SLC44A5: variants seen among roughly 807,000 people sequenced by gnomAD.
The protein encoded by SLC44A5 is choline transporter-like protein 5.
A neutral mutation model predicts 101.8 loss-of-function variants in SLC44A5; 57 were observed. The observed-to-expected ratio is 0.56, with a 90% CI of 0.45 to 0.70. The LOEUF (loss-of-function observed/expected upper bound fraction) is 0.70, where lower values mean the gene tolerates loss of function less well. Ranked by LOEUF, SLC44A5 falls within the 30% of genes least tolerant of loss-of-function variation. The pLI, the probability that SLC44A5 is intolerant of heterozygous loss-of-function variation, is 0.00. For missense variants in SLC44A5, 737 were observed against 853.1 expected, an observed-to-expected ratio of 0.86 and a Z score of 1.70; for synonymous variants, 281 against 290.9, an observed-to-expected ratio of 0.97 and a Z score of 0.35.
chr1:75,213,872 G>T (rs115045510), intron 21 of SLC44A5, 47 bp downstream of exon 21: 8 of 1,521,120 alleles, frequency 5.3e-6, no homozygotes, highest in Non-Finnish European at 7.2e-6. Flanking sequence ...GTTTTTCCAA[G>T]CATCTTTTAA....
intron 18 of SLC44A5, among the ~76,000 whole-genome samples, chr1:75,217,523 C>CTA (rs1434250049): frequency 2.6e-5 from 4 of 152,066 alleles, no homozygotes; most frequent in Non-Finnish European, 5.9e-5. Flanking sequence ...CTGACCTGAA[C>CTA]TATATACTTG....
chr1:75,657,539 CTCTT>C, the SLC44A5 span, among the ~76,000 whole-genome samples: 2 of 139,582 alleles, frequency 1.4e-5, no homozygotes, highest in African/African-American at 5.1e-5. Context: ...CTGAGCAAGA[CTCTT>C]TCTTAAAAAA....
intron 3 of SLC44A5, among the ~76,000 whole-genome samples, chr1:75,349,770 A>T (rs1389979956): frequency 6.6e-6 from 1 of 152,214 alleles, no homozygotes; most frequent in Non-Finnish European, 1.5e-5. Flanking sequence ...ATAATATAAT[A>T]CAATCCAAAA....
intron 16 of SLC44A5, among the ~76,000 whole-genome samples, chr1:75,218,975 A>C (rs902713821): frequency 2.6e-5 from 4 of 152,176 alleles, no homozygotes; most frequent in Non-Finnish European, 1.5e-5. Context: ...ACCCACTATA[A>C]TTTCACATTT....
intron 3 of SLC44A5, among the ~76,000 whole-genome samples, chr1:75,376,553 C>A (rs951774326): frequency 2.6e-5 from 4 of 152,110 alleles, no homozygotes; most frequent in African/African-American, 4.8e-5. Context: ...CTGGGAGGCA[C>A]CCCCCAGCAG....
intron 2 of SLC44A5, among the ~76,000 whole-genome samples, chr1:75,502,221 AC>A (rs1385308668): frequency 6.6e-6 from 1 of 152,142 alleles, no homozygotes; most frequent in Non-Finnish European, 1.5e-5. Flanking sequence ...ATGCACATAC[AC>A]ACACATGAAG....
At chr1:75,515,343 A>G (rs1669770749) in intron 2 of SLC44A5, among the ~76,000 whole-genome samples, 1 of 152,084 alleles carries the variant, frequency 6.6e-6, no homozygotes, top group South Asian at 2.1e-4. Context: ...TATCAACTAT[A>G]TTCACAATGC....
At chr1:75,478,275 C>G (rs1667568215) in intron 2 of SLC44A5, among the ~76,000 whole-genome samples, 1 of 152,116 alleles carries the variant, frequency 6.6e-6, no homozygotes, top group Non-Finnish European at 1.5e-5. Context: ...AAAGGAACAA[C>G]CAGTACCAGC....
intron 2 of SLC44A5, among the ~76,000 whole-genome samples, chr1:75,466,026 C>T (rs1294008236): frequency 2.0e-5 from 3 of 152,136 alleles, no homozygotes; most frequent in East Asian, 1.9e-4. Context: ...ACTCATTCTA[C>T]GAGGCCAGTA....
the SLC44A5 span, among the ~76,000 whole-genome samples, chr1:75,721,019 GAAGCCTTCAGGTGAGAACAGA>G: frequency 6.6e-6 from 1 of 152,118 alleles, no homozygotes; most frequent in Admixed American, 6.5e-5. Flanking sequence ...TTGTGCAAAG[GAAGCCTTCAGGTGAGAACAGA>G]AAAGCATTCT....
the SLC44A5 span, among the ~76,000 whole-genome samples, chr1:75,618,763 C>A: frequency 3.9e-5 from 6 of 152,132 alleles, no homozygotes; most frequent in African/African-American, 1.4e-4. Context: ...CCAAACATAT[C>A]CAAACATAGA....
intron 4 of SLC44A5, among the ~76,000 whole-genome samples, chr1:75,311,376 C>T (rs995631441): frequency 4.6e-5 from 7 of 152,168 alleles, no homozygotes; most frequent in Non-Finnish European, 1.0e-4. Flanking sequence ...CTTGGCCTCC[C>T]AAAGTGCTGG....
intron 2 of SLC44A5, among the ~76,000 whole-genome samples, chr1:75,399,547 G>T (rs1662342192): frequency 6.6e-6 from 1 of 152,092 alleles, no homozygotes; most frequent in Admixed American, 6.6e-5. Context: ...CCCTGATTTG[G>T]ACAGAATGTG....
At chr1:75,467,181 G>A (rs189301143) in intron 2 of SLC44A5, among the ~76,000 whole-genome samples, 21 of 151,780 alleles carry the variant, frequency 1.4e-4, no homozygotes, top group Admixed American at 1.3e-3. Context: ...AAATTTAAGA[G>A]GACACCAAGA....
the SLC44A5 span, among the ~76,000 whole-genome samples, chr1:75,633,910 A>T: frequency 6.6e-6 from 1 of 151,982 alleles, no homozygotes; most frequent in Non-Finnish European, 1.5e-5. Context: ...TACCTAATTT[A>T]TTGAGAGTTC....
intron 1 of SLC44A5, among the ~76,000 whole-genome samples, chr1:75,598,842 G>C (rs557204778): frequency 2.6e-5 from 4 of 152,016 alleles, no homozygotes; most frequent in African/African-American, 9.7e-5. Flanking sequence ...TTAACACCTG[G>C]GTGATGAAAT....
chr1:75,218,728 T>C lies in SLC44A5; in HGVS notation c.1291A>G (p.Lys431Glu), dbSNP rs1647015032. The C allele has an allele frequency of 6.2e-7, 1 of 1,612,150 alleles. No individual in the cohort carries two copies. The highest frequency in any genetic ancestry group is 8.5e-7 in the Non-Finnish European group (1 of 1,179,294). ...PEIFNTTEIA[K>E]ACPGALCNFA... ...TTACACAGAGCCCCAGGGCAAGCTT[T>C]GGCAATTTCAGTTGTATTAAAAATC... The change falls in exon 17 of 24, where the codon AAA (lysine) becomes GAA (glutamate). Residue 431 changes from lysine (K) to glutamate (E), a missense_variant. Around this residue, in one of 3 missense-constraint regions of SLC44A5, gnomAD observed 665 missense variants for 764.4 expected, o/e 0.87. Transcript: ENST00000370859.
At chr1:75,422,774 G>A (rs1157547520) in intron 2 of SLC44A5, among the ~76,000 whole-genome samples, 2 of 152,162 alleles carry the variant, frequency 1.3e-5, no homozygotes. Flanking sequence ...GAGGGGTTAT[G>A]TGAATCTTTC....
intron 5 of SLC44A5, among the ~76,000 whole-genome samples, chr1:75,283,673 A>G (rs1219729735): frequency 6.6e-6 from 1 of 152,122 alleles, no homozygotes; most frequent in Non-Finnish European, 1.5e-5. Context: ...TGATTTTTGT[A>G]TAAGGTGAGA....
Sources: allele counts gnomAD v4.1 joint callset (sites outside exome capture counted in the v4.1 genomes callset), GRCh38; gene constraint gnomAD v4.1.1; regional missense constraint gnomAD v4.1.1; transcripts MANE v1.5; gene names NCBI Gene and HGNC (gene_info 2026-07-23, HGNC 2026-07-21).